The following MAGI2 variants were observed in gnomAD, a reference collection of about 807,000 sequenced individuals.
MAGI2 encodes the protein membrane-associated guanylate kinase, WW and PDZ domain-containing protein 2.
In MAGI2, 35 loss-of-function variants were observed where a neutral mutation model predicts 133.3. The ratio of observed to expected loss-of-function variants is 0.26; its 90% CI spans 0.20 to 0.35. MAGI2 has a LOEUF of 0.35. Ranked by LOEUF, MAGI2 falls within the 10% of genes least tolerant of loss-of-function variation. The pLI is 1.00. For synonymous variants in MAGI2, 729 were observed against 710.6 expected (o/e 1.03, Z -0.41); for missense variants, 1,636 against 1,863.4 (o/e 0.88, Z 2.25).
chr7:79,294,711 A>C, intron 1 of MAGI2, among the ~76,000 whole-genome samples: 1 of 100,210 alleles, frequency 1.0e-5, no homozygotes, highest in Non-Finnish European at 2.1e-5. Flanking sequence ...ATAAGATTAT[A>C]TTTTGGTAGC....
intron 1 of MAGI2, among the ~76,000 whole-genome samples, chr7:79,132,199 G>T (rs937224455): frequency 2.0e-5 from 3 of 151,948 alleles, no homozygotes; most frequent in Non-Finnish European, 4.4e-5. Context: ...TCATACATGG[G>T]TGAATTATAT....
chr7:79,450,248 C>T (rs1849148988), intron 1 of MAGI2, among the ~76,000 whole-genome samples: 1 of 152,040 alleles, frequency 6.6e-6, no homozygotes, highest in Admixed American at 6.6e-5. Context: ...TGAAACATAA[C>T]TACTGGGCCA....
At chr7:79,424,032 G>A (rs1280892330) in intron 1 of MAGI2, among the ~76,000 whole-genome samples, 4 of 152,010 alleles carry the variant, frequency 2.6e-5, no homozygotes, top group Non-Finnish European at 4.4e-5. Context: ...ATGAAACACT[G>A]CCTTTCCTCA....
chr7:78,882,031 GA>G (rs1795883611), intron 2 of MAGI2, among the ~76,000 whole-genome samples: 1 of 88,454 alleles, frequency 1.1e-5, no homozygotes, highest in African/African-American at 4.5e-5. Flanking sequence ...TTGATTCTTT[GA>G]AAAGATAAAT....
At chr7:78,726,176 A>G (rs1238153950) in intron 2 of MAGI2, among the ~76,000 whole-genome samples, 1 of 152,322 alleles carries the variant, frequency 6.6e-6, no homozygotes, top group East Asian at 1.9e-4. Flanking sequence ...TATAGTTAGA[A>G]TTCACAACCT....
chr7:79,005,525 T>G (rs1423560745), intron 2 of MAGI2, among the ~76,000 whole-genome samples: 1 of 152,244 alleles, frequency 6.6e-6, no homozygotes, highest in African/African-American at 2.4e-5. Flanking sequence ...ACTCCTATTA[T>G]CTTCATATTT....
chr7:79,453,410 C>G lies in MAGI2; in HGVS notation c.-90G>C. ...ATGAGGATGGAGGAGCAAGGGGGCCCAGGGGGAAGAACAGCAGACTTTGCC... is the reference window on the plus strand; with the variant it reads ...ATGAGGATGGAGGAGCAAGGGGGCCGAGGGGGAAGAACAGCAGACTTTGCC... On this transcript the variant is annotated 5_prime_UTR_variant, in exon 1 of 22. Transcript: ENST00000354212. 6.6e-7 allele frequency: 1 copy of G among 1,511,352 alleles called. No individual in the cohort carries two copies. Among genetic ancestry groups the G allele is most frequent in the Non-Finnish European group, 8.8e-7 (1 of 1,135,798 alleles). 93.6% of individuals were successfully genotyped at this position (1,511,352 alleles called of 1,614,324 possible). A position where few individuals can be genotyped will look rare whatever the true frequency, so the allele number is the denominator to read the frequency against.
intron 1 of MAGI2, among the ~76,000 whole-genome samples, chr7:79,027,199 C>T (rs1005828690): frequency 2.1e-4 from 32 of 151,902 alleles, no homozygotes; most frequent in African/African-American, 7.7e-4. Flanking sequence ...GGGTATTACT[C>T]AAAGATTTGA....
intron 5 of MAGI2, among the ~76,000 whole-genome samples, chr7:78,491,448 TAA>T (rs1425951820): frequency 6.6e-6 from 1 of 152,114 alleles, no homozygotes; most frequent in African/African-American, 2.4e-5. Flanking sequence ...TCACATGGAA[TAA>T]AGAGAAGGTA....
chr7:78,574,573 T>G (rs900398763), intron 3 of MAGI2, among the ~76,000 whole-genome samples: 1 of 152,242 alleles, frequency 6.6e-6, no homozygotes, highest in African/African-American at 2.4e-5. Flanking sequence ...AACGACTTAA[T>G]GTAATGCTTG....
At chr7:78,854,260 T>A (rs1793429536) in intron 2 of MAGI2, among the ~76,000 whole-genome samples, 1 of 152,136 alleles carries the variant, frequency 6.6e-6, no homozygotes, top group Non-Finnish European at 1.5e-5. Flanking sequence ...TTTTAAAGCA[T>A]TTCTTAAAAA....
At chr7:79,082,987 A>G (rs974914284) in intron 1 of MAGI2, among the ~76,000 whole-genome samples, 3 of 151,558 alleles carry the variant, frequency 2.0e-5, no homozygotes, top group Non-Finnish European at 4.4e-5. Context: ...TCAATTGTTC[A>G]TTGATTATAT....
intron 2 of MAGI2, among the ~76,000 whole-genome samples, chr7:78,708,754 A>G (rs1288863689): frequency 6.6e-6 from 1 of 152,120 alleles, no homozygotes; most frequent in African/African-American, 2.4e-5. Context: ...ACCCTTTAAG[A>G]TAGGTATCAA....
intron 2 of MAGI2, among the ~76,000 whole-genome samples, chr7:78,999,220 C>G (rs1277506638): frequency 6.6e-6 from 1 of 151,020 alleles, no homozygotes; most frequent in East Asian, 1.9e-4. Context: ...GTCACAGCAG[C>G]AGAAAAGCCA....
intron 2 of MAGI2, among the ~76,000 whole-genome samples, chr7:78,694,519 C>T (rs1257170933): frequency 6.6e-6 from 1 of 152,150 alleles, no homozygotes; most frequent in Non-Finnish European, 1.5e-5. Context: ...CACACATACA[C>T]ACTCATACAC....
intron 2 of MAGI2, among the ~76,000 whole-genome samples, chr7:78,664,418 T>C (rs911497439): frequency 1.3e-5 from 2 of 152,126 alleles, no homozygotes; most frequent in African/African-American, 4.8e-5. Context: ...AATGGAAACA[T>C]TCTCCAAATT....
At chr7:79,004,821 G>A (rs1269912792) in intron 2 of MAGI2, among the ~76,000 whole-genome samples, 1 of 152,138 alleles carries the variant, frequency 6.6e-6, no homozygotes, top group African/African-American at 2.4e-5. Context: ...GGTGGCTCAC[G>A]CCTGTAATCC....
At position 78,923,496 on chromosome 7, in the gene MAGI2, A is replaced by T. The variant is rs535063082; in HGVS notation, c.418+83594T>A. On this transcript the variant is annotated intron_variant, in intron 2 of 21. Transcript: ENST00000354212. ...TTTTCTCAGGTTTGTCAAAGATCAG[A>T]TAGTTGTAGATAAGCGGCGTTATTT... 5.9e-5 allele frequency among the ~76,000 whole-genome samples: 9 copies of T among 152,284 alleles called. No individual in the cohort carries two copies. The East Asian group carries it at 1.5e-3, about 26-fold the overall frequency.
chr7:79,313,809 T>G (rs924629446), intron 1 of MAGI2, among the ~76,000 whole-genome samples: 32 of 151,310 alleles, frequency 2.1e-4, no homozygotes, highest in Non-Finnish European at 3.8e-4. Context: ...TTACTTTTTT[T>G]TTTTTTTTTT....
Sources: gnomAD v4.1 joint callset for allele counts (sites outside exome capture counted in the v4.1 genomes callset) on GRCh38, gnomAD v4.1.1 for gene constraint, MANE v1.5 for transcripts, NCBI Gene and HGNC (gene_info 2026-07-23, HGNC 2026-07-21) for gene names.